The following ARID4B variants were observed in gnomAD, a reference collection of about 807,000 sequenced individuals.
ARID4B encodes AT-rich interaction domain 4B, also known as AT-rich interactive domain-containing protein 4B.
A neutral mutation model predicts 147.5 loss-of-function variants in ARID4B; 26 were observed. The observed-to-expected ratio is 0.18, with a 90% CI of 0.13 to 0.24. The LOEUF (loss-of-function observed/expected upper bound fraction) is 0.24, where lower values mean the gene tolerates loss of function less well. Ranked by LOEUF, ARID4B falls within the 10% of genes least tolerant of loss-of-function variation. The pLI, the probability that ARID4B is intolerant of heterozygous loss-of-function variation, is 1.00. For synonymous variants in ARID4B, 512 were observed against 507.9 expected, an observed-to-expected ratio of 1.01 and a Z score of -0.11; for missense variants, 1,179 against 1,511.5, an observed-to-expected ratio of 0.78 and a Z score of 3.65.
At chr1:235,205,806 T>C (rs1031952778) in intron 17 of ARID4B, among the ~76,000 whole-genome samples, 7 of 152,204 alleles carry the variant, frequency 4.6e-5, no homozygotes, top group African/African-American at 9.6e-5. Context: ...TGAAAAAATG[T>C]TGCATTAGGA....
rs536795959 is a variant in ARID4B at position 235,283,384 on chromosome 1, T to A, written c.7-22632A>T. Among the ~76,000 whole-genome samples the A allele has an allele frequency of 7.9e-5, 12 of 152,280 alleles. No individual in the cohort carries two copies. In the South Asian group the frequency reaches 2.5e-3, roughly 32 times the overall value. On this transcript the variant is annotated intron_variant, in intron 2 of 23. Transcript: ENST00000264183. ...CTAATTCAGAAGCTAATGTTTAAAA[T>A]GTTGAAAAAAGATGATTACAAACTA...
At position 235,234,478 on chromosome 1, in the gene ARID4B, A is replaced by T; in HGVS notation, c.600T>A (p.Asp200Glu). The T allele has an allele frequency of 6.2e-7, 1 of 1,605,092 alleles. No individual in the cohort carries two copies. Among genetic ancestry groups the T allele is most frequent in the East Asian group, 2.2e-5 (1 of 44,750 alleles). ...LWFPALVVCP[D>E]CSDEIAVKKD... ...TTTTTACAGCAATCTCATCACTACA[A>T]TCAGGACAAACCACCTTTTAAGAAA... Residue 200 changes from aspartate (D) to glutamate (E), a missense_variant, in exon 9 of 24, where the codon GAT becomes GAA. Around this residue, in one of 10 missense-constraint regions of ARID4B, gnomAD observed 159 missense variants for 190.5 expected, o/e 0.83. Transcript: ENST00000264183.
At chr1:235,280,711 G>T (rs1294507744) in intron 2 of ARID4B, among the ~76,000 whole-genome samples, 1 of 152,236 alleles carries the variant, frequency 6.6e-6, no homozygotes, top group South Asian at 2.1e-4. Context: ...GCCACGCGCA[G>T]AGCCCACTTG....
At chr1:235,260,786 C>T (rs747117272) in intron 2 of ARID4B, 34 bp from the exon 3 acceptor site, 8 of 1,414,028 alleles carry the variant, frequency 5.7e-6, no homozygotes, top group Non-Finnish European at 7.9e-6. Context: ...TAGATTTAAA[C>T]TCTCTAATTC....
Position 235,200,201 on chromosome 1 carries a change from T to C in ARID4B, c.1842-4086A>G, listed in dbSNP as rs545474728. On this transcript the variant is annotated intron_variant, in intron 17 of 23. Coordinates refer to ENST00000264183, the MANE Select transcript of ARID4B (RefSeq NM_016374.6). Reference sequence around the variant, plus strand: ...CGGGCGCAGTGGCTCATGCCTGTAATCCCAGCACTTTGGGAGGCCGAGGCA... The same window carrying C: ...CGGGCGCAGTGGCTCATGCCTGTAACCCCAGCACTTTGGGAGGCCGAGGCA... Among the ~76,000 whole-genome samples, 175 of 151,682 alleles carry C rather than the reference T, an allele frequency of 1.2e-3. 1 individual carries two copies. The highest frequency in any genetic ancestry group is 4.1e-3 in the African/African-American group (168 of 41,328).
At chr1:235,220,590 A>G (rs1667395408) in intron 14 of ARID4B, 45 bp from the exon 15 acceptor site, 1 of 1,430,468 alleles carries the variant, frequency 7.0e-7, no homozygotes, top group Non-Finnish European at 9.4e-7. Flanking sequence ...ACATTTCAAA[A>G]TATAACTATA....
chr1:235,252,100 T>C (rs1669682365), intron 6 of ARID4B, among the ~76,000 whole-genome samples: 1 of 152,208 alleles, frequency 6.6e-6, no homozygotes, highest in Admixed American at 6.5e-5. Context: ...AACTAACACT[T>C]ATGAAGTTCA....
At chr1:235,174,795 C>T (rs1333511820) in intron 22 of ARID4B, among the ~76,000 whole-genome samples, 2 of 150,680 alleles carry the variant, frequency 1.3e-5, no homozygotes, top group African/African-American at 2.4e-5. Context: ...CTAGCCTGGG[C>T]GACAGAGAGA....
At chr1:235,235,845 A>G (rs2103059346) in intron 8 of ARID4B, among the ~76,000 whole-genome samples, 1 of 152,310 alleles carries the variant, frequency 6.6e-6, no homozygotes, top group East Asian at 1.9e-4. Context: ...AATACTACTT[A>G]TATTAATAAG....
intron 7 of ARID4B, among the ~76,000 whole-genome samples, chr1:235,243,098 T>C (rs1669095826): frequency 6.6e-6 from 1 of 152,140 alleles, no homozygotes; most frequent in East Asian, 1.9e-4. Context: ...TTTTTTTTTG[T>C]TTATTGATAT....
chr1:235,204,321 C>CAAAAT (rs1381042091), intron 17 of ARID4B, among the ~76,000 whole-genome samples: 1 of 152,004 alleles, frequency 6.6e-6, no homozygotes, highest in Admixed American at 6.5e-5. Flanking sequence ...AACTCCGCTT[C>CAAAAT]AAAATAAAAT....
intron 11 of ARID4B, among the ~76,000 whole-genome samples, chr1:235,227,985 A>G (rs1667939637): frequency 6.6e-6 from 1 of 152,018 alleles, no homozygotes; most frequent in Non-Finnish European, 1.5e-5. Flanking sequence ...GGTGTCCACC[A>G]CCACACCTGG....
At chr1:235,183,631 G>T (rs556140496) in intron 19 of ARID4B, among the ~76,000 whole-genome samples, 113 of 152,260 alleles carry the variant, frequency 7.4e-4, no homozygotes, top group African/African-American at 2.7e-3. Context: ...CAAACTCCTA[G>T]GCTCAAGAGA....
intron 2 of ARID4B, among the ~76,000 whole-genome samples, chr1:235,325,365 TA>T (rs34980496): frequency 3.5e-4 from 50 of 142,064 alleles, no homozygotes; most frequent in South Asian, 6.6e-4. Flanking sequence ...ACAGACTACT[TA>T]AAAAAAAAAA....
Position 235,175,393 on chromosome 1 carries a change from C to A in ARID4B, c.3455G>T (p.Ser1152Ile). The A allele has an allele frequency of 6.2e-7, 1 of 1,607,466 alleles. No individual in the cohort carries two copies. The highest frequency in any genetic ancestry group is 1.1e-5 in the South Asian group (1 of 89,734). ...AGCTGAAAGTTCTTCACTATCACTA[C>A]TATTTGCTGAAAGAGAAAGAAAAGA... The part of the protein sequence containing the change: ...NNKKKGKGTN[S>I]SDSEELSAGE... Residue 1152 changes from serine to isoleucine, a missense_variant, in exon 22 of 24, where the codon AGT becomes ATT. Physicochemically the swap from Ser to Ile is moderately radical, Grantham distance 142 (BLOSUM62 -2). Coordinates refer to ENST00000264183, the MANE Select transcript of ARID4B (RefSeq NM_016374.6).
intron 17 of ARID4B, among the ~76,000 whole-genome samples, chr1:235,209,569 T>TTTTTG (rs1553291397): frequency 9.9e-6 from 1 of 101,278 alleles, no homozygotes; most frequent in African/African-American, 5.1e-5. Flanking sequence ...TTTTGTTTTG[T>TTTTTG]TTTTTTTTTT....
chr1:235,209,565 T>G (rs1174358734), intron 17 of ARID4B, among the ~76,000 whole-genome samples: 1 of 138,690 alleles, frequency 7.2e-6, no homozygotes, highest in South Asian at 2.2e-4. Flanking sequence ...TGTTTTTTGT[T>G]TTGTTTTTTT....
In ARID4B at chr1:235,257,202, T is replaced by A; in HGVS notation, c.141A>T (p.Ser47=). ...TGTGGTCATCCTGAACTTCCACTGT[T>A]GAAGAATCATGTCTAAATGTCACCT... ...KVKVTFRHDS[S]TVEVQDDHIK... The change falls in exon 4 of 24, where the codon TCA becomes TCT. Residue 47 remains serine (S), a synonymous_variant. Coordinates refer to ENST00000264183, the MANE Select transcript of ARID4B (RefSeq NM_016374.6). The A allele has an allele frequency of 6.2e-7, 1 of 1,612,948 alleles. No individual in the cohort carries two copies. Among genetic ancestry groups the A allele is most frequent in the Non-Finnish European group, 8.5e-7 (1 of 1,179,018 alleles).
At chr1:235,307,851 A>C (rs1274939194) in intron 2 of ARID4B, among the ~76,000 whole-genome samples, 2 of 152,078 alleles carry the variant, frequency 1.3e-5, no homozygotes, top group Admixed American at 6.6e-5. Flanking sequence ...TTTCTTTTAG[A>C]GATAGAGTCT....
Sources: gnomAD v4.1 joint callset for allele counts (sites outside exome capture counted in the v4.1 genomes callset) on GRCh38, gnomAD v4.1.1 for gene constraint, gnomAD v4.1.1 regional missense constraint, MANE v1.5 for transcripts, NCBI Gene and HGNC (gene_info 2026-07-23, HGNC 2026-07-21) for gene names.